ARHGEF10L: variants seen among roughly 807,000 people sequenced by gnomAD.
The protein encoded by ARHGEF10L is Rho guanine nucleotide exchange factor 10 like, also known as rho guanine nucleotide exchange factor 10-like protein.
Under a neutral mutation model 141.2 loss-of-function variants are expected in ARHGEF10L, and 69 were observed. That is an observed-to-expected ratio of 0.49 (90% CI 0.40 to 0.60). The LOEUF (loss-of-function observed/expected upper bound fraction) is 0.60, where lower values mean the gene tolerates loss of function less well. ARHGEF10L is among the 20% of genes least tolerant of loss of function. The pLI, the probability that ARHGEF10L is intolerant of heterozygous loss-of-function variation, is 0.00. For missense variants in ARHGEF10L, 1,482 were observed against 1,734.3 expected (o/e 0.85, Z 2.58); for synonymous variants, 711 against 718.5 (o/e 0.99, Z 0.17).
chr1:17,633,906 G>A (rs1340387894), intron 16 of ARHGEF10L, among the ~76,000 whole-genome samples: 7 of 152,140 alleles, frequency 4.6e-5, no homozygotes, highest in Admixed American at 4.6e-4. Flanking sequence ...CAGGACCTGT[G>A]CACTCATTCA....
At position 17,680,649 on chromosome 1, in the gene ARHGEF10L, C is replaced by A. The variant is rs188018046; in HGVS notation, c.3010-6924C>A. 6.1e-3 allele frequency among the ~76,000 whole-genome samples: 933 copies of A among 152,198 alleles called. 9 individuals are homozygous for A. The highest frequency in any genetic ancestry group is 0.021 in the African/African-American group (877 of 41,542). On this transcript the variant is annotated intron_variant, in intron 26 of 28. Coordinates refer to ENST00000361221, the MANE Select transcript of ARHGEF10L (RefSeq NM_018125.4). ...CCCAGAGGCGTGTTCTCTTTTTGTC[C>A]CCGTGTACAGATGACAGAGGAGACT...
the ARHGEF10L span, among the ~76,000 whole-genome samples, chr1:17,527,780 G>C: frequency 6.6e-6 from 1 of 151,752 alleles, no homozygotes; most frequent in Middle Eastern, 3.4e-3. Context: ...TCCAGTTTCC[G>C]ACCTATTCAC....
chr1:17,636,521 C>T (rs3753378), intron 18 of ARHGEF10L, among the ~76,000 whole-genome samples: 15,715 of 152,212 alleles, frequency 0.1, 1,038 homozygotes, highest in Middle Eastern at 0.16. Context: ...GGATGTGGCT[C>T]AGGCCCTGGT....
intron 2 of ARHGEF10L, among the ~76,000 whole-genome samples, chr1:17,582,158 C>A (rs1237860513): frequency 6.6e-6 from 1 of 152,014 alleles, no homozygotes; most frequent in Non-Finnish European, 1.5e-5. Context: ...TAGAAGGCGG[C>A]CTTGGAGACA....
intron 18 of ARHGEF10L, 21 bp downstream of exon 18, chr1:17,635,037 C>T (rs1320558770): frequency 1.9e-6 from 3 of 1,613,360 alleles, no homozygotes; most frequent in African/African-American, 1.3e-5. Context: ...CCTCTCTGTG[C>T]CCTGCGTTCG....
At chr1:17,670,697 G>A (rs543886210) in intron 26 of ARHGEF10L, among the ~76,000 whole-genome samples, 14 of 152,338 alleles carry the variant, frequency 9.2e-5, no homozygotes, top group Middle Eastern at 3.4e-3. Context: ...TTGGGGACCC[G>A]GCTGGGCTAT....
intron 6 of ARHGEF10L, among the ~76,000 whole-genome samples, chr1:17,606,587 AC>A (rs2081196263): frequency 1.3e-5 from 2 of 149,752 alleles, no homozygotes. Flanking sequence ...AGCCACCGCG[AC>A]CAGTCAGATT....
chr1:17,649,630 A>G (rs1370266858), intron 22 of ARHGEF10L, among the ~76,000 whole-genome samples: 1 of 152,230 alleles, frequency 6.6e-6, no homozygotes, highest in Non-Finnish European at 1.5e-5. Context: ...GAAGGTCCCA[A>G]CCCTTATGTA....
At chr1:17,516,715 G>T in the ARHGEF10L span, among the ~76,000 whole-genome samples, 131 of 152,290 alleles carry the variant, frequency 8.6e-4, 1 homozygote, top group African/African-American at 2.7e-3. Flanking sequence ...GTGGGAGGGG[G>T]CAGCATCATC....
At chr1:17,590,120 T>C (rs2079402439) in intron 4 of ARHGEF10L, among the ~76,000 whole-genome samples, 1 of 152,100 alleles carries the variant, frequency 6.6e-6, no homozygotes, top group Non-Finnish European at 1.5e-5. Flanking sequence ...GATAAGTAGA[T>C]GCTCATTCAG....
intron 1 of ARHGEF10L, among the ~76,000 whole-genome samples, chr1:17,572,637 C>A (rs1442026265): frequency 6.6e-6 from 1 of 152,180 alleles, no homozygotes; most frequent in Non-Finnish European, 1.5e-5. Flanking sequence ...TGTGCCCTCC[C>A]CTGCCTTGGG....
At chr1:17,516,142 C>T in the ARHGEF10L span, among the ~76,000 whole-genome samples, 5 of 152,344 alleles carry the variant, frequency 3.3e-5, 1 homozygote, top group Non-Finnish European at 1.5e-5. Flanking sequence ...GCCGGTTGCC[C>T]GGCAGCCTTG....
At chr1:17,561,440 G>T (rs559204319) in intron 1 of ARHGEF10L, among the ~76,000 whole-genome samples, 1 of 152,158 alleles carries the variant, frequency 6.6e-6, no homozygotes, top group Non-Finnish European at 1.5e-5. Flanking sequence ...CCTGCCCCCC[G>T]CAGCCTTGCA....
At chr1:17,546,779 A>C (rs1329477693) in intron 1 of ARHGEF10L, among the ~76,000 whole-genome samples, 1 of 152,174 alleles carries the variant, frequency 6.6e-6, no homozygotes, top group Non-Finnish European at 1.5e-5. Context: ...AAGGATGAGA[A>C]TAGAATTCTG....
intron 4 of ARHGEF10L, among the ~76,000 whole-genome samples, chr1:17,588,779 G>A (rs1189102839): frequency 6.6e-6 from 1 of 151,472 alleles, no homozygotes; most frequent in Non-Finnish European, 1.5e-5. Flanking sequence ...GTTTGCGGCT[G>A]AAGGGGAAAC....
intron 26 of ARHGEF10L, among the ~76,000 whole-genome samples, chr1:17,680,224 C>A (rs574722743): frequency 1.3e-5 from 2 of 152,204 alleles, no homozygotes; most frequent in African/African-American, 2.4e-5. Context: ...CGGTGGGTAC[C>A]TGTAAAGTAG....
At chr1:17,640,405 G>C (rs1274690174) in intron 21 of ARHGEF10L, 103 bp downstream of exon 21, 2 of 991,574 alleles carry the variant, frequency 2.0e-6, no homozygotes, top group Non-Finnish European at 3.0e-6. Context: ...TCAGCGGGGG[G>C]CAGGGAGGCT....
chr1:17,575,723 C>T (rs890119982), intron 1 of ARHGEF10L, among the ~76,000 whole-genome samples: 2 of 152,064 alleles, frequency 1.3e-5, no homozygotes, highest in Non-Finnish European at 2.9e-5. Context: ...TCTGTGGCAG[C>T]GGAGGTGGCA....
rs1185584166 is a variant in ARHGEF10L at position 17,602,136 on chromosome 1, C to G, written c.267C>G (p.Ala89=). The change falls in exon 5 of 29, where the codon GCC becomes GCG. Residue 89 remains alanine, a synonymous_variant. Coordinates refer to ENST00000361221, the MANE Select transcript of ARHGEF10L (RefSeq NM_018125.4). The part of the protein sequence containing the change: ...AAAPPGTGVP[A]WVSNGDAADA... Reference sequence around the variant, plus strand: ...CATCTCTTGCCCGCAGGGTGCCAGCCTGGGTGAGCAATGGGGATGCAGCGG... The same window carrying G: ...CATCTCTTGCCCGCAGGGTGCCAGCGTGGGTGAGCAATGGGGATGCAGCGG... The G allele has an allele frequency of 1.3e-6, 2 of 1,570,548 alleles. No individual in the cohort carries two copies. The highest frequency in any genetic ancestry group is 1.8e-5 in the Admixed American group (1 of 54,376).
Sources: gnomAD v4.1 joint callset for allele counts (sites outside exome capture counted in the v4.1 genomes callset) on GRCh38, gnomAD v4.1.1 for gene constraint, MANE v1.5 for transcripts, NCBI Gene and HGNC (gene_info 2026-07-23, HGNC 2026-07-21) for gene names.